The following MTX3 variants were observed in gnomAD, a reference collection of about 807,000 sequenced individuals.
MTX3 encodes the protein metaxin-3.
Under a neutral mutation model 42.5 loss-of-function variants are expected in MTX3, and 27 were observed. The ratio of observed to expected loss-of-function variants is 0.64; its 90% CI spans 0.47 to 0.88. The LOEUF (loss-of-function observed/expected upper bound fraction) is 0.88, where lower values mean the gene tolerates loss of function less well. MTX3 is among the 40% of genes least tolerant of loss of function. MTX3 has a pLI of 0.00. For synonymous variants in MTX3, 144 were observed against 132.9 expected (o/e 1.08, Z -0.57); for missense variants, 378 against 367.0 (o/e 1.03, Z -0.25).
At position 79,982,358 on chromosome 5, in the gene MTX3, A is replaced by G. The variant is rs1286696734; in HGVS notation, c.*1326T>C. 2.2e-6 allele frequency: 1 copy of G among 456,402 alleles called. No individual in the cohort carries two copies. Among genetic ancestry groups the G allele is most frequent in the South Asian group, 1.6e-5 (1 of 64,492 alleles). The allele number at this position is 456,402 out of a possible 1,614,324, so 28.3% of individuals were successfully genotyped here. ...CACAGCTGAGCTCCACTCAGCTCAA[A>G]TTAGATGAGTCTTTTGACTACAAAG... On this transcript the variant is annotated 3_prime_UTR_variant, in exon 9 of 9. Coordinates refer to ENST00000512528, the MANE Select transcript of MTX3 (RefSeq NM_001363818.2).
rs772006478 is a variant in MTX3, at chr5:79,982,369, C to G, written c.*1315G>C. 8 of 456,406 alleles carry G rather than the reference C, an allele frequency of 1.8e-5. No individual in the cohort carries two copies. In the East Asian group the frequency reaches 4.9e-4, roughly 28 times the overall value. The allele number at this position is 456,406 out of a possible 1,614,324, so 28.3% of individuals were successfully genotyped here. On this transcript the variant is annotated 3_prime_UTR_variant, in exon 9 of 9. Transcript: ENST00000512528. ...TCCACTCAGCTCAAATTAGATGAGT[C>G]TTTTGACTACAAAGCTCATTTTCTT...
At position 79,982,829 on chromosome 5, in the gene MTX3, G is replaced by A. The variant is rs528272875; in HGVS notation, c.*855C>T. On this transcript the variant is annotated 3_prime_UTR_variant, in exon 9 of 9. Transcript: ENST00000512528. ...TGGCCATGGGCTCCTCCTGAGTAGT[G>A]TCTAACAAGTGGGCAATTTCAGTAA... The A allele has an allele frequency of 1.9e-5, 3 of 160,806 alleles. No individual in the cohort carries two copies. The highest frequency in any genetic ancestry group is 7.2e-5 in the African/African-American group (3 of 41,622). 10.0% of individuals were successfully genotyped at this position (160,806 alleles called of 1,614,324 possible).
At chr5:79,984,912 G>C (rs143719745) in intron 8 of MTX3, among the ~76,000 whole-genome samples, 141 of 152,288 alleles carry the variant, frequency 9.3e-4, no homozygotes, top group African/African-American at 3.3e-3. Context: ...GATAAGCCCA[G>C]TGCTTACAAT....
In MTX3 at chr5:79,989,161, G is replaced by A. The variant is rs1220560482; in HGVS notation, c.312C>T (p.Leu104=). ...AYIALLEEKL[L]PAVLHTFWVE... ...ATTTAAGAACACTCACCACTGCAGG[G>A]AGAAGCTTCTCTTCGAGGAGAGCAA... Residue 104 remains leucine (L), a synonymous_variant, in exon 4 of 9, where the codon CTC becomes CTT. Coordinates refer to ENST00000512528, the MANE Select transcript of MTX3 (RefSeq NM_001363818.2). 1 of 1,602,450 alleles carries A rather than the reference G, an allele frequency of 6.2e-7. No homozygotes were observed. The highest frequency in any genetic ancestry group is 1.1e-5 in the South Asian group (1 of 88,448).
In MTX3 at chr5:79,981,454, T is replaced by C. The variant is rs1203393303; in HGVS notation, c.*2230A>G. 6.6e-6 allele frequency: 1 copy of C among 152,156 alleles called. No homozygotes were observed. The highest frequency in any genetic ancestry group is 1.5e-5 in the Non-Finnish European group (1 of 68,024). 9.4% of individuals were successfully genotyped at this position (152,156 alleles called of 1,614,324 possible). A position where few individuals can be genotyped will look rare whatever the true frequency, so the allele number is the denominator to read the frequency against. ...TCATATTGACAGTCATTCCCTCTACTAAAAAAGAATAATACTTGTTATTCT... is the reference window on the plus strand; with the variant it reads ...TCATATTGACAGTCATTCCCTCTACCAAAAAAGAATAATACTTGTTATTCT... On this transcript the variant is annotated 3_prime_UTR_variant, in exon 9 of 9. Transcript: ENST00000512528.
chr5:79,978,223 A>G lies in MTX3; in HGVS notation c.*5461T>C, dbSNP rs1358901517. The G allele has an allele frequency of 1.3e-5, 2 of 152,256 alleles. No individual in the cohort carries two copies. Among genetic ancestry groups the G allele is most frequent in the Non-Finnish European group, 2.9e-5 (2 of 68,064 alleles). The allele number at this position is 152,256 out of a possible 1,614,324, so 9.4% of individuals were successfully genotyped here. On this transcript the variant is annotated 3_prime_UTR_variant, in exon 9 of 9. Transcript: ENST00000512528. ...GAAACCTTTGTAATGAGTATGAACT[A>G]GCAAAAACACTGTAGGGCAGCATTT...
chr5:79,984,908 C>T (rs1251981698), intron 8 of MTX3, among the ~76,000 whole-genome samples: 2 of 152,090 alleles, frequency 1.3e-5, no homozygotes, highest in Non-Finnish European at 2.9e-5. Context: ...AAAGGATAAG[C>T]CCAGTGCTTA....
chr5:79,990,742 C>G, intron 1 of MTX3, 79 bp from the exon 2 acceptor site: 1 of 1,049,780 alleles, frequency 9.5e-7, no homozygotes, highest in Non-Finnish European at 1.5e-6. Context: ...TTCACAGCCC[C>G]ATCCCCCAAA....
In MTX3 at chr5:79,984,764, G is replaced by A. The variant is rs565627342; in HGVS notation, c.828+807C>T. On this transcript the variant is annotated intron_variant, in intron 8 of 8. Transcript: ENST00000512528. ...TTCCTCAATGTTTCTCTCATGAAAA[G>A]AACACCCCAAGTGGCAAAATATCTA... Among the ~76,000 whole-genome samples, 276 of 151,384 alleles carry A rather than the reference G, an allele frequency of 1.8e-3. 3 individuals are homozygous for A. Among genetic ancestry groups the A allele is most frequent in the Middle Eastern group, 0.017 (5 of 292 alleles).
At chr5:79,986,283 A>C (rs755405885) in intron 7 of MTX3, among the ~76,000 whole-genome samples, 1 of 152,214 alleles carries the variant, frequency 6.6e-6, no homozygotes, top group African/African-American at 2.4e-5. Flanking sequence ...TGTATACAGA[A>C]TACATAACCC....
At position 79,985,568 on chromosome 5, in the gene MTX3, G is replaced by A. The variant is rs757280450; in HGVS notation, c.828+3C>T. 2.5e-6 allele frequency: 4 copies of A among 1,590,254 alleles called. No individual in the cohort carries two copies. The African/African-American group carries it at 4.0e-5, about 16-fold the overall frequency. Reference sequence around the variant, plus strand: ...ATGATAAAATGATTGAAGTAGACTTGACCTTTTCAATCAAGTTGGATTCCT... The same window carrying A: ...ATGATAAAATGATTGAAGTAGACTTAACCTTTTCAATCAAGTTGGATTCCT... On this transcript the variant is annotated splice_donor_region_variant and intron_variant, in intron 8 of 8. Transcript: ENST00000512528.
Position 79,988,494 on chromosome 5 carries a change from G to A in MTX3, c.472C>T (p.Pro158Ser). The A allele has an allele frequency of 6.2e-7, 1 of 1,612,758 alleles. No individual in the cohort carries two copies. The highest frequency in any genetic ancestry group is 8.5e-7 in the Non-Finnish European group (1 of 1,179,542). Residue 158 changes from proline to serine, a missense_variant, in exon 5 of 9, where the codon CCC becomes TCC. Physicochemically the swap from Pro to Ser is moderately conservative, Grantham distance 74. Coordinates refer to ENST00000512528, the MANE Select transcript of MTX3 (RefSeq NM_001363818.2). Reference sequence around the variant, plus strand: ...TCCACTTCTCGGAGGTGGTAGAGGGGAGGCTGTCCTCTGGTCAGGAGAATC... The same window carrying A: ...TCCACTTCTCGGAGGTGGTAGAGGGAAGGCTGTCCTCTGGTCAGGAGAATC... ...NRILLTRGQPPLYHLREVEAQ... is the reference protein window; with the variant it reads ...NRILLTRGQPSLYHLREVEAQ...
chr5:79,988,692 G>A, intron 4 of MTX3, 48 bp from the exon 5 acceptor site: 2 of 1,427,948 alleles, frequency 1.4e-6, no homozygotes, highest in Non-Finnish European at 1.9e-6. Context: ...TTTATTAAAT[G>A]AAAGATCACT....
chr5:79,981,275 T>C lies in MTX3; in HGVS notation c.*2409A>G, dbSNP rs1268190610. 6.6e-6 allele frequency: 1 copy of C among 152,180 alleles called. No individual in the cohort carries two copies. Among genetic ancestry groups the C allele is most frequent in the African/African-American group, 2.4e-5 (1 of 41,450 alleles). The allele number at this position is 152,180 out of a possible 1,614,324, so 9.4% of individuals were successfully genotyped here. ...AGCTTCCTGTCATCTCATTTACTTA[T>C]ACATAAATAGCTCAACTAAGTAACC... On this transcript the variant is annotated 3_prime_UTR_variant, in exon 9 of 9. Transcript: ENST00000512528.
intron 5 of MTX3, 49 bp from the exon 6 acceptor site, chr5:79,988,364 C>G (rs1831546499): frequency 6.6e-7 from 1 of 1,510,638 alleles, no homozygotes; most frequent in African/African-American, 1.4e-5. Flanking sequence ...TACTCTAAAA[C>G]TACTTTTGAG....
chr5:79,986,885 G>T, intron 7 of MTX3, 65 bp downstream of exon 7: 1 of 1,464,146 alleles, frequency 6.8e-7, no homozygotes, highest in South Asian at 1.2e-5. Flanking sequence ...ATAAGTAGTG[G>T]ATTTTGCTTA....
Position 79,983,481 on chromosome 5 carries a change from T to G in MTX3, c.*203A>C. The G allele has an allele frequency of 6.7e-5, 29 of 430,474 alleles. No homozygotes were observed. Among genetic ancestry groups the G allele is most frequent in the East Asian group, 1.7e-4 (4 of 23,662 alleles). 26.7% of individuals were successfully genotyped at this position (430,474 alleles called of 1,614,324 possible). On this transcript the variant is annotated 3_prime_UTR_variant, in exon 9 of 9. Transcript: ENST00000512528. ...CCCCCCCAACCAAGTTCATTTAGCA[T>G]TCTCTTTGTTATTAAAAATGCAGTG...
In MTX3 at chr5:79,985,641, T is replaced by G; in HGVS notation, c.758A>C (p.Gln253Pro). The change falls in exon 8 of 9, where the codon CAA (glutamine) becomes CCA (proline). Residue 253 changes from glutamine to proline, a missense_variant. By Grantham distance (76) the Gln-to-Pro change is moderately conservative. Coordinates refer to ENST00000512528, the MANE Select transcript of MTX3 (RefSeq NM_001363818.2). ...LSLGGISPAG[Q>P]ETVDANLQKL... ...CTGCAGATTTGCATCTACCGTTTCT[T>G]GTCCAGCTGGAGAGATGCCTAAGAA... 1 of 1,612,982 alleles carries G rather than the reference T, an allele frequency of 6.2e-7. No individual in the cohort carries two copies. The highest frequency in any genetic ancestry group is 1.1e-5 in the South Asian group (1 of 90,950).
At chr5:79,990,774 AGGCCGCATCCC>A (rs1330170313) in intron 1 of MTX3, 111 bp from the exon 2 acceptor site, 1 of 818,058 alleles carries the variant, frequency 1.2e-6, no homozygotes, top group Admixed American at 2.0e-5. Context: ...ACTGATACTG[AGGCCGCATCCC>A]TCCCCGTGAT....
Sources: allele counts gnomAD v4.1 joint callset (sites outside exome capture counted in the v4.1 genomes callset), GRCh38; gene constraint gnomAD v4.1.1; transcripts MANE v1.5; gene names NCBI Gene and HGNC (gene_info 2026-07-23, HGNC 2026-07-21).